Variants in SH3RF3 observed in about 807,000 individuals in gnomAD.
SH3RF3 encodes SH3 domain containing ring finger 3.
A neutral mutation model predicts 66.3 loss-of-function variants in SH3RF3; 29 were observed. That is an observed-to-expected ratio of 0.44 (90% CI 0.33 to 0.60). The LOEUF (loss-of-function observed/expected upper bound fraction) is 0.60, where lower values mean the gene tolerates loss of function less well. Among genes scored for constraint, SH3RF3 ranks in the 20% least tolerant of loss-of-function variants. SH3RF3 has a pLI of 0.04. For synonymous variants in SH3RF3, 583 were observed against 532.0 expected (o/e 1.10, Z -1.32); for missense variants, 1,194 against 1,190.9 (o/e 1.00, Z -0.04).
intron 1 of SH3RF3, among the ~76,000 whole-genome samples, chr2:109,338,482 T>G (rs1018533393): frequency 1.3e-5 from 2 of 152,202 alleles, no homozygotes; most frequent in African/African-American, 4.8e-5. Context: ...CTTACCTTTT[T>G]GTATTACACT....
intron 3 of SH3RF3, among the ~76,000 whole-genome samples, chr2:109,380,140 G>T (rs111630980): frequency 6.6e-6 from 1 of 152,180 alleles, no homozygotes; most frequent in East Asian, 1.9e-4. Flanking sequence ...ACATACATGG[G>T]TGTTCATTGT....
intron 8 of SH3RF3, among the ~76,000 whole-genome samples, chr2:109,464,527 T>A (rs995321031): frequency 2.6e-5 from 4 of 152,228 alleles, no homozygotes; most frequent in Non-Finnish European, 2.9e-5. Flanking sequence ...TACATAGCCT[T>A]GCATACATAC....
intron 1 of SH3RF3, among the ~76,000 whole-genome samples, chr2:109,162,963 C>A (rs866238910): frequency 6.6e-6 from 1 of 152,298 alleles, no homozygotes; most frequent in African/African-American, 2.4e-5. Flanking sequence ...TGTCACCTCT[C>A]CAAGGGATTT....
chr2:109,437,964 ATC>A (rs1303381411), intron 7 of SH3RF3, among the ~76,000 whole-genome samples: 5 of 152,114 alleles, frequency 3.3e-5, no homozygotes, highest in African/African-American at 1.2e-4. Context: ...ATAACACAGA[ATC>A]TCTCTTCCCA....
chr2:109,479,860 G>A (rs920050477), intron 8 of SH3RF3, among the ~76,000 whole-genome samples: 2 of 152,106 alleles, frequency 1.3e-5, no homozygotes, highest in Non-Finnish European at 2.9e-5. Flanking sequence ...TGCCCTCAGA[G>A]CCTTCATACG....
intron 1 of SH3RF3, among the ~76,000 whole-genome samples, chr2:109,154,723 G>A (rs959331522): frequency 1.3e-5 from 2 of 152,324 alleles, no homozygotes; most frequent in South Asian, 2.1e-4. Context: ...CAAGGTCTGT[G>A]GGGGGTGATG....
At chr2:109,365,147 C>G (rs1461036591) in intron 2 of SH3RF3, among the ~76,000 whole-genome samples, 1 of 152,324 alleles carries the variant, frequency 6.6e-6, no homozygotes. Context: ...GCACAGAATG[C>G]TCTGGCATGT....
chr2:109,315,876 C>A (rs1237434842), intron 1 of SH3RF3, among the ~76,000 whole-genome samples: 1 of 152,206 alleles, frequency 6.6e-6, no homozygotes, highest in Non-Finnish European at 1.5e-5. Flanking sequence ...ATCAAAGCCA[C>A]CAGTTCCCAG....
Position 109,200,179 on chromosome 2 carries a change from C to T in SH3RF3, c.573+70066C>T, listed in dbSNP as rs145343922. ...GTTGGTATGGAATATTTCTAGTTTA[C>T]AAGAGAACAGAATAAGAAACTCCAG... On this transcript the variant is annotated intron_variant, in intron 1 of 9. Transcript: ENST00000309415. 9.9e-5 allele frequency among the ~76,000 whole-genome samples: 15 copies of T among 152,232 alleles called. No homozygotes were observed. The South Asian group carries it at 1.0e-3, about 11-fold the overall frequency.
At chr2:109,158,204 G>T (rs2104897282) in intron 1 of SH3RF3, among the ~76,000 whole-genome samples, 1 of 152,292 alleles carries the variant, frequency 6.6e-6, no homozygotes, top group Non-Finnish European at 1.5e-5. Flanking sequence ...GGAAATGATT[G>T]CTCTGGGGAG....
At chr2:109,335,089 C>T (rs1280248797) in intron 1 of SH3RF3, among the ~76,000 whole-genome samples, 2 of 152,202 alleles carry the variant, frequency 1.3e-5, no homozygotes, top group Non-Finnish European at 2.9e-5. Context: ...GTGGTCATAC[C>T]ACTCCCTGCT....
intron 1 of SH3RF3, among the ~76,000 whole-genome samples, chr2:109,346,819 A>T (rs968273235): frequency 2.0e-5 from 3 of 152,214 alleles, no homozygotes; most frequent in Non-Finnish European, 4.4e-5. Context: ...CCTCTGACGG[A>T]TACAAGAACA....
At chr2:109,466,233 C>T (rs577209067) in intron 8 of SH3RF3, among the ~76,000 whole-genome samples, 4 of 152,140 alleles carry the variant, frequency 2.6e-5, no homozygotes, top group African/African-American at 9.6e-5. Context: ...CAGGCGCGTG[C>T]CACCACACCC....
intron 1 of SH3RF3, among the ~76,000 whole-genome samples, chr2:109,323,659 G>T (rs764548973): frequency 1.3e-5 from 2 of 152,184 alleles, no homozygotes; most frequent in Non-Finnish European, 2.9e-5. Context: ...CTGTGTGTCC[G>T]CCAAGCTCCC....
At chr2:109,283,218 A>T (rs536482153) in intron 1 of SH3RF3, among the ~76,000 whole-genome samples, 150 of 152,280 alleles carry the variant, frequency 9.9e-4, no homozygotes, top group African/African-American at 3.4e-3. Flanking sequence ...TCCAGGCCCC[A>T]GCCTGGCAGT....
chr2:109,379,233 T>A (rs184075682), intron 3 of SH3RF3, among the ~76,000 whole-genome samples: 2 of 152,350 alleles, frequency 1.3e-5, no homozygotes, highest in Admixed American at 1.3e-4. Flanking sequence ...TAGCCAGTGA[T>A]GCTTTAGGAA....
At chr2:109,422,768 T>G (rs1354701515) in intron 5 of SH3RF3, among the ~76,000 whole-genome samples, 1 of 151,976 alleles carries the variant, frequency 6.6e-6, no homozygotes, top group Non-Finnish European at 1.5e-5. Flanking sequence ...TTGCCCCTGA[T>G]TTTGAAGGGT....
chr2:109,256,985 T>G (rs1324297920), intron 1 of SH3RF3, among the ~76,000 whole-genome samples: 1 of 152,236 alleles, frequency 6.6e-6, no homozygotes, highest in Non-Finnish European at 1.5e-5. Flanking sequence ...ATTCCGCCTC[T>G]GCTCTCAGAC....
chr2:109,366,376 C>T (rs1285490109), intron 2 of SH3RF3, among the ~76,000 whole-genome samples: 1 of 152,092 alleles, frequency 6.6e-6, no homozygotes, highest in Non-Finnish European at 1.5e-5. Flanking sequence ...TGTACTGTCA[C>T]TAAATGATCT....
Sources: gnomAD v4.1 joint callset for allele counts (sites outside exome capture counted in the v4.1 genomes callset) on GRCh38, gnomAD v4.1.1 for gene constraint, MANE v1.5 for transcripts, NCBI Gene and HGNC (gene_info 2026-07-23, HGNC 2026-07-21) for gene names.